MED12L: variants seen among roughly 807,000 people sequenced by gnomAD.
The protein encoded by MED12L is mediator of RNA polymerase II transcription subunit 12-like protein.
A neutral mutation model predicts 281.3 loss-of-function variants in MED12L; 60 were observed. That is an observed-to-expected ratio of 0.21 (90% CI 0.17 to 0.26). MED12L has a LOEUF of 0.26. Among genes scored for constraint, MED12L ranks in the 10% least tolerant of loss-of-function variants. The pLI is 1.00. For synonymous variants in MED12L, 974 were observed against 987.2 expected (o/e 0.99, Z 0.25); for missense variants, 2,146 against 2,680.9 (o/e 0.80, Z 4.41).
rs541170570 is a variant in MED12L at position 151,229,457 on chromosome 3, C to T, written c.2250+35791C>T. Among the ~76,000 whole-genome samples, 14 of 150,066 alleles carry T rather than the reference C, an allele frequency of 9.3e-5. No homozygotes were observed. In the South Asian group the frequency reaches 2.3e-3, roughly 25 times the overall value. ...GAGTAGCTGGGACTACAGGCTCGTG[C>T]CACCATGCCCGGCTAATTTTTTTTT... is the stretch of plus-strand genomic sequence containing the variant. On this transcript the variant is annotated intron_variant, in intron 16 of 44. Transcript: ENST00000687756.
chr3:151,429,576 T>C (rs1230127558), intron 43 of MED12L, among the ~76,000 whole-genome samples: 1 of 152,238 alleles, frequency 6.6e-6, no homozygotes, highest in Non-Finnish European at 1.5e-5. Flanking sequence ...GTAATTTTGC[T>C]TCTGGTAGAT....
chr3:151,347,804 A>C (rs73006582), intron 16 of MED12L, among the ~76,000 whole-genome samples: 18,959 of 152,164 alleles, frequency 0.12, 2,009 homozygotes, highest in African/African-American at 0.29. Context: ...AAAACCTTAC[A>C]AGGAAGCGAT....
At chr3:151,269,900 G>T in intron 16 of MED12L, 1 of 459,322 alleles carries the variant, frequency 2.2e-6, no homozygotes, top group South Asian at 1.6e-5. Flanking sequence ...CTGGTTTACT[G>T]ACCGTTCTGA....
chr3:151,339,431 TAAA>T (rs3975402), intron 16 of MED12L, among the ~76,000 whole-genome samples: 1 of 145,814 alleles, frequency 6.9e-6, no homozygotes. Context: ...ACTGAATCAG[TAAA>T]AAAAAAAAAA....
intron 16 of MED12L, among the ~76,000 whole-genome samples, chr3:151,238,437 G>A (rs1378454372): frequency 6.6e-6 from 1 of 152,212 alleles, no homozygotes; most frequent in Non-Finnish European, 1.5e-5. Context: ...GTGAGCCACC[G>A]CGCCCAGCCT....
At chr3:151,394,045 T>C (rs1714645618) in intron 38 of MED12L, among the ~76,000 whole-genome samples, 1 of 152,230 alleles carries the variant, frequency 6.6e-6, no homozygotes, top group East Asian at 1.9e-4. Flanking sequence ...AAGGATTTCC[T>C]GTGGTTTCTT....
intron 28 of MED12L, among the ~76,000 whole-genome samples, 160 bp from the exon 29 acceptor site, chr3:151,376,640 A>C (rs1756888040): frequency 6.6e-6 from 1 of 152,204 alleles, no homozygotes. Context: ...ATCGCTACTG[A>C]ATATATATGC....
intron 16 of MED12L, among the ~76,000 whole-genome samples, chr3:151,289,171 A>G (rs901490972): frequency 2.0e-5 from 3 of 152,274 alleles, no homozygotes; most frequent in South Asian, 2.1e-4. Context: ...TTAAACCTCT[A>G]TAATATGCTG....
chr3:151,278,811 C>T (rs1023483806), intron 16 of MED12L, among the ~76,000 whole-genome samples: 6 of 152,214 alleles, frequency 3.9e-5, no homozygotes, highest in African/African-American at 9.6e-5. Context: ...CCTGGAAATG[C>T]GGAATTAACA....
intron 16 of MED12L, among the ~76,000 whole-genome samples, chr3:151,321,561 A>G (rs1438194675): frequency 6.6e-6 from 1 of 152,144 alleles, no homozygotes; most frequent in East Asian, 1.9e-4. Context: ...CATTAGATAC[A>G]ATTAAGATCA....
chr3:151,301,637 C>T (rs1745936943), intron 16 of MED12L, among the ~76,000 whole-genome samples: 1 of 152,156 alleles, frequency 6.6e-6, no homozygotes, highest in Admixed American at 6.5e-5. Context: ...TCACCAAGAG[C>T]ACAGGGAAAG....
intron 16 of MED12L, chr3:151,294,930 G>A: frequency 6.2e-7 from 1 of 1,614,056 alleles, no homozygotes; most frequent in Admixed American, 1.7e-5. Context: ...AAGTACCAAG[G>A]TCCAAATCCT....
intron 16 of MED12L, among the ~76,000 whole-genome samples, chr3:151,317,742 GC>G (rs1474207866): frequency 9.9e-5 from 15 of 151,892 alleles, no homozygotes; most frequent in African/African-American, 3.6e-4. Flanking sequence ...GAGCCACTGC[GC>G]CCGGCCACTT....
intron 16 of MED12L, among the ~76,000 whole-genome samples, chr3:151,217,602 G>A (rs2149247401): frequency 6.6e-6 from 1 of 152,270 alleles, no homozygotes; most frequent in African/African-American, 2.4e-5. Context: ...TCCAGTTTAG[G>A]GTGGGAGGTT....
At chr3:151,157,409 A>G (rs1258623772) in intron 6 of MED12L, among the ~76,000 whole-genome samples, 1 of 152,202 alleles carries the variant, frequency 6.6e-6, no homozygotes, top group East Asian at 1.9e-4. Context: ...GCATGGGTAT[A>G]TAAACAAAGC....
chr3:151,252,141 A>G (rs1377434078), intron 16 of MED12L, among the ~76,000 whole-genome samples: 1 of 152,024 alleles, frequency 6.6e-6, no homozygotes, highest in Non-Finnish European at 1.5e-5. Context: ...GGATAAACTC[A>G]CCTTCCTGTG....
chr3:151,355,905 A>G lies in MED12L; in HGVS notation c.2527A>G (p.Asn843Asp), dbSNP rs749502287. ...GTTTTTATTTGCACAGATTTCTAAC[A>G]ATGTGCTAGAACAAATCACAAGCTT... ...QHQVTSQISN[N>D]VLEQITSFAS... is the part of the protein sequence containing the mutation. The change falls in exon 19 of 45, where the codon AAT (asparagine) becomes GAT (aspartate). Residue 843 changes from asparagine (N) to aspartate (D), a missense_variant. Physicochemically the swap from Asn to Asp is conservative, Grantham distance 23 (BLOSUM62 1). Around this residue, in one of 9 missense-constraint regions of MED12L, gnomAD observed 404 missense variants for 603.5 expected, o/e 0.67. Coordinates refer to ENST00000687756, the MANE Select transcript of MED12L (RefSeq NM_001393769.1). 1 of 1,609,672 alleles carries G rather than the reference A, an allele frequency of 6.2e-7. No homozygotes were observed. Among genetic ancestry groups the G allele is most frequent in the South Asian group, 1.1e-5 (1 of 89,848 alleles).
intron 16 of MED12L, among the ~76,000 whole-genome samples, chr3:151,205,168 AC>A (rs1440787424): frequency 1.3e-5 from 2 of 152,172 alleles, no homozygotes; most frequent in African/African-American, 4.8e-5. Context: ...TTCACTGAGG[AC>A]AAGTGTTTGT....
chr3:151,309,129 A>G (rs1190734763), intron 16 of MED12L, among the ~76,000 whole-genome samples: 2 of 134,856 alleles, frequency 1.5e-5, no homozygotes, highest in South Asian at 2.5e-4. Context: ...GCACACACAC[A>G]CACACACACA....
Sources: gnomAD v4.1 joint callset for allele counts (sites outside exome capture counted in the v4.1 genomes callset) on GRCh38, gnomAD v4.1.1 for gene constraint, gnomAD v4.1.1 regional missense constraint, MANE v1.5 for transcripts, NCBI Gene and HGNC (gene_info 2026-07-23, HGNC 2026-07-21) for gene names.